The following CTDP1 variants were observed in gnomAD, a reference collection of about 807,000 sequenced individuals.
CTDP1 encodes the protein CTD phosphatase 1, also known as RNA polymerase II subunit A C-terminal domain phosphatase.
CTDP1 carries 47 observed loss-of-function variants against 91.8 expected under a neutral mutation model. The ratio of observed to expected loss-of-function variants is 0.51; its 90% CI spans 0.41 to 0.65. The LOEUF (loss-of-function observed/expected upper bound fraction) is 0.65, where lower values mean the gene tolerates loss of function less well. CTDP1 is among the 30% of genes least tolerant of loss of function. The pLI is 0.00. For synonymous variants in CTDP1, 656 were observed against 598.5 expected (o/e 1.10, Z -1.40); for missense variants, 1,272 against 1,373.7 (o/e 0.93, Z 1.17).
rs763374239 is a variant in CTDP1, at chr18:79,715,320, G to A, written c.1860G>A (p.Pro620=). The A allele has an allele frequency of 1.2e-5, 20 of 1,609,022 alleles. No homozygotes were observed. Among genetic ancestry groups the A allele is most frequent in the South Asian group, 2.2e-5 (2 of 90,140 alleles). The stretch of plus-strand genomic sequence containing the variant: ...TCAACAAGGAGATCGAGGAGGCGCC[G>A]GACATCCGCAAGATCGTGCCGGAGC... The part of the protein sequence containing the change: ...RYLNKEIEEA[P]DIRKIVPELK... Residue 620 remains proline (P), a synonymous_variant, in exon 8 of 13, where the codon CCG becomes CCA. Coordinates refer to ENST00000613122, the MANE Select transcript of CTDP1 (RefSeq NM_004715.5).
rs2086511214 is a variant in CTDP1, at chr18:79,729,076, C to T, written c.2580+7C>T. On this transcript the variant is annotated splice_region_variant and intron_variant, in intron 11 of 12. Coordinates refer to ENST00000613122, the MANE Select transcript of CTDP1 (RefSeq NM_004715.5). ...AGAGAGTATGGACAAAGAGGTGAGC[C>T]AACCCCACGCCCCGGTGCCCGCGCC... The T allele has an allele frequency of 2.5e-6, 4 of 1,612,656 alleles. No individual in the cohort carries two copies. The highest frequency in any genetic ancestry group is 3.4e-6 in the Non-Finnish European group (4 of 1,180,018).
At position 79,734,866 on chromosome 18, in the gene CTDP1, C is replaced by T. The variant is rs1279400799; in HGVS notation, c.2581-1489C>T. Among the ~76,000 whole-genome samples, 3 of 152,176 alleles carry T rather than the reference C, an allele frequency of 2.0e-5. No individual in the cohort carries two copies. The East Asian group carries it at 5.8e-4, about 29-fold the overall frequency. On this transcript the variant is annotated intron_variant, in intron 11 of 12. Coordinates refer to ENST00000613122, the MANE Select transcript of CTDP1 (RefSeq NM_004715.5). ...GTAACCAGATGCTCTTATTAAATAC[C>T]ATTCCATGCCAGCGTCCCTGGGAAC...
At chr18:79,708,380 AG>A (rs1222695746) in intron 5 of CTDP1, among the ~76,000 whole-genome samples, 1 of 152,250 alleles carries the variant, frequency 6.6e-6, no homozygotes, top group Non-Finnish European at 1.5e-5. Context: ...TGAGCCCAGT[AG>A]GGATGGGTGC....
At chr18:79,699,080 G>C (rs903688848) in intron 4 of CTDP1, among the ~76,000 whole-genome samples, 6 of 152,144 alleles carry the variant, frequency 3.9e-5, no homozygotes, top group Non-Finnish European at 8.8e-5. Flanking sequence ...TGCTGCACAG[G>C]AGTTTGTTTA....
At chr18:79,684,414 ATGGAACC>A (rs1179335002) in intron 1 of CTDP1, among the ~76,000 whole-genome samples, 7 of 152,210 alleles carry the variant, frequency 4.6e-5, no homozygotes, top group Middle Eastern at 3.2e-3. Flanking sequence ...GAGAGAGGTA[ATGGAACC>A]TGTGGCCCTG....
chr18:79,692,396 T>A (rs561646423), intron 1 of CTDP1, among the ~76,000 whole-genome samples: 1 of 152,250 alleles, frequency 6.6e-6, no homozygotes, highest in South Asian at 2.1e-4. Context: ...AGTTCTGAAG[T>A]CAGGTAGTAA....
Position 79,693,872 on chromosome 18 carries a change from A to T in CTDP1, c.315-1353A>T, listed in dbSNP as rs538861680. On this transcript the variant is annotated intron_variant, in intron 1 of 12. Transcript: ENST00000613122. ...CCCTCCGAGTCTCCCTGAAGGATGC[A>T]GGCTACAGACCCGCCCCTCCGCTCC... is the stretch of plus-strand genomic sequence containing the variant. 2.4e-3 allele frequency among the ~76,000 whole-genome samples: 347 copies of T among 141,994 alleles called. 3 individuals carry two copies. The highest frequency in any genetic ancestry group is 9.7e-3 in the African/African-American group (328 of 33,832). 93.2% of individuals were successfully genotyped at this position (141,994 alleles called of 152,430 possible). A position where few individuals can be genotyped will look rare whatever the true frequency, so the allele number is the denominator to read the frequency against.
At chr18:79,714,169 C>G (rs1222236146) in intron 7 of CTDP1, among the ~76,000 whole-genome samples, 1 of 152,192 alleles carries the variant, frequency 6.6e-6, no homozygotes, top group Non-Finnish European at 1.5e-5. Context: ...AAATCCAAAG[C>G]TTTTTGAGTG....
chr18:79,720,049 A>G (rs2086304453), intron 10 of CTDP1, among the ~76,000 whole-genome samples: 1 of 128,222 alleles, frequency 7.8e-6, no homozygotes, highest in East Asian at 2.5e-4. Flanking sequence ...CCCATTAGGA[A>G]GGCGTCCTGG....
At chr18:79,691,030 C>T (rs559787159) in intron 1 of CTDP1, among the ~76,000 whole-genome samples, 1 of 152,330 alleles carries the variant, frequency 6.6e-6, no homozygotes, top group Admixed American at 6.5e-5. Flanking sequence ...CGGGACCTTG[C>T]GTGGTTGCCA....
At chr18:79,680,383 G>A (rs1238688822) in intron 1 of CTDP1, 122 bp downstream of exon 1, 22 of 778,848 alleles carry the variant, frequency 2.8e-5, no homozygotes. Flanking sequence ...CGATAAAGCG[G>A]GACGCAGGCA....
At chr18:79,746,639 C>T (rs1231479397) in intron 12 of CTDP1, among the ~76,000 whole-genome samples, 3 of 152,230 alleles carry the variant, frequency 2.0e-5, no homozygotes, top group African/African-American at 2.4e-5. Flanking sequence ...GCTTAAGAAA[C>T]AAGGTCTCAC....
At chr18:79,685,363 G>A (rs908438714) in intron 1 of CTDP1, 1 of 152,150 alleles carries the variant, frequency 6.6e-6, no homozygotes, top group Non-Finnish European at 1.5e-5. Context: ...TCACAGGGAG[G>A]TATTTAAATC....
chr18:79,706,174 G>A (rs1212841149), intron 5 of CTDP1, among the ~76,000 whole-genome samples: 3 of 152,348 alleles, frequency 2.0e-5, no homozygotes, highest in Admixed American at 6.5e-5. Context: ...CAGCAAGCCG[G>A]CGCCCACTGA....
At chr18:79,742,380 C>T (rs2122833485) in intron 12 of CTDP1, among the ~76,000 whole-genome samples, 1 of 152,260 alleles carries the variant, frequency 6.6e-6, no homozygotes, top group Non-Finnish European at 1.5e-5. Context: ...CGCTTCTCCT[C>T]AGAGATGGCA....
intron 10 of CTDP1, among the ~76,000 whole-genome samples, chr18:79,719,699 C>T (rs1283553745): frequency 6.7e-6 from 1 of 148,524 alleles, no homozygotes; most frequent in Non-Finnish European, 1.5e-5. Context: ...ATGATGTCAC[C>T]TCCCATTAGG....
chr18:79,733,916 C>G lies in CTDP1; in HGVS notation c.2581-2439C>G, dbSNP rs541961325. 9.9e-5 allele frequency among the ~76,000 whole-genome samples: 15 copies of G among 152,282 alleles called. No individual in the cohort carries two copies. In the South Asian group the frequency reaches 2.7e-3, roughly 27 times the overall value. On this transcript the variant is annotated intron_variant, in intron 11 of 12. Transcript: ENST00000613122. The stretch of plus-strand genomic sequence containing the variant: ...AAATTCCAACACTTAGGTATGAATT[C>G]ACTTGTGTTTTTTCTCTTTACATAC...
intron 3 of CTDP1, among the ~76,000 whole-genome samples, chr18:79,697,617 T>C (rs1450230843): frequency 6.6e-6 from 1 of 152,212 alleles, no homozygotes; most frequent in Non-Finnish European, 1.5e-5. Flanking sequence ...CCAGTTTCCC[T>C]TCCCCCTCCG....
chr18:79,679,926 G>T lies in CTDP1; in HGVS notation c.-22G>T, dbSNP rs1345421513. On this transcript the variant is annotated 5_prime_UTR_variant, in exon 1 of 13. Transcript: ENST00000613122. ...GCGCAGCGCAGGCCCCGTACCGACC[G>T]CCCGCCCGCCCTCTGTCCGCGATGG... The T allele has an allele frequency of 3.6e-6, 5 of 1,370,338 alleles. No individual in the cohort carries two copies. The highest frequency in any genetic ancestry group is 1.5e-5 in the African/African-American group (1 of 64,838). 84.9% of individuals were successfully genotyped at this position (1,370,338 alleles called of 1,614,324 possible). A position where few individuals can be genotyped will look rare whatever the true frequency, so the allele number is the denominator to read the frequency against.
Sources: allele counts gnomAD v4.1 joint callset (sites outside exome capture counted in the v4.1 genomes callset), GRCh38; gene constraint gnomAD v4.1.1; transcripts MANE v1.5; gene names NCBI Gene and HGNC (gene_info 2026-07-23, HGNC 2026-07-21).